Variants in YME1L1 observed in about 807,000 individuals in gnomAD.
YME1L1 encodes the protein YME1 like 1 ATPase, also known as ATP-dependent zinc metalloprotease YME1L1.
Under a neutral mutation model 90.4 loss-of-function variants are expected in YME1L1, and 39 were observed. The observed-to-expected ratio is 0.43, with a 90% CI of 0.33 to 0.56. The LOEUF is 0.56. Among genes scored for constraint, YME1L1 ranks in the 20% least tolerant of loss-of-function variants. YME1L1 has a pLI of 0.03. For synonymous variants in YME1L1, 284 were observed against 287.3 expected (o/e 0.99, Z 0.12); for missense variants, 617 against 868.4 (o/e 0.71, Z 3.64).
At chr10:27,113,260 A>AAAAAAAAAAAAAAAAAT (rs1564453902) in intron 18 of YME1L1, among the ~76,000 whole-genome samples, 1 of 111,616 alleles carries the variant, frequency 9.0e-6, no homozygotes, top group African/African-American at 3.3e-5. Context: ...AAAAAAAAAA[A>AAAAAAAAAAAAAAAAAT]AAAGACCTGC....
chr10:27,113,236 A>T lies in YME1L1; in HGVS notation c.2008-1116T>A, dbSNP rs868261676. Among the ~76,000 whole-genome samples, 28 of 86,130 alleles carry T rather than the reference A, an allele frequency of 3.3e-4. No homozygotes were observed. In the East Asian group the frequency reaches 3.5e-3, roughly 11 times the overall value. The allele number at this position is 86,130 out of a possible 152,430, so 56.5% of individuals were successfully genotyped here. On this transcript the variant is annotated intron_variant, in intron 18 of 18. Transcript: ENST00000376016. ...TGCTGTCTCAAAAAAAAAAAAAAAA[A>T]AAAAAAAAAAAAAAAAAAAAAAAAA...
intron 1 of YME1L1, among the ~76,000 whole-genome samples, chr10:27,150,540 A>G (rs2057200211): frequency 6.6e-6 from 1 of 152,234 alleles, no homozygotes; most frequent in Non-Finnish European, 1.5e-5. Context: ...AACAGGTTGT[A>G]GTAAGGAAGC....
chr10:27,115,875 T>C (rs914591834), intron 17 of YME1L1, among the ~76,000 whole-genome samples, 185 bp downstream of exon 17: 2 of 152,186 alleles, frequency 1.3e-5, no homozygotes, highest in African/African-American at 4.8e-5. Flanking sequence ...GGCAGCTCAT[T>C]CTCAGCAGCT....
intron 4 of YME1L1, among the ~76,000 whole-genome samples, chr10:27,140,551 T>A (rs1251885298): frequency 1.3e-5 from 2 of 152,146 alleles, no homozygotes; most frequent in East Asian, 3.9e-4. Flanking sequence ...CGGTCTCGGC[T>A]CACTGCAACC....
At chr10:27,140,446 AG>A (rs2057075355) in intron 4 of YME1L1, among the ~76,000 whole-genome samples, 1 of 152,146 alleles carries the variant, frequency 6.6e-6, no homozygotes, top group Non-Finnish European at 1.5e-5. Context: ...CATTTAGAAA[AG>A]GGTTTTAAAA....
chr10:27,145,667 A>G lies in YME1L1; in HGVS notation c.169-77T>C, dbSNP rs1364959608. 3 of 1,196,298 alleles carry G rather than the reference A, an allele frequency of 2.5e-6. No homozygotes were observed. In the East Asian group the frequency reaches 7.3e-5, roughly 29 times the overall value. The allele number at this position is 1,196,298 out of a possible 1,614,324, so 74.1% of individuals were successfully genotyped here. A position where few individuals can be genotyped will look rare whatever the true frequency, so the allele number is the denominator to read the frequency against. On this transcript the variant is annotated intron_variant, in intron 2 of 18. Transcript: ENST00000376016. ...ACCTAAGGAGTACATATTATCAGTTAAAACAATCAGATTTTAAAAGTCTAA... is the reference window on the plus strand; with the variant it reads ...ACCTAAGGAGTACATATTATCAGTTGAAACAATCAGATTTTAAAAGTCTAA...
chr10:27,129,123 C>T (rs905676251), intron 8 of YME1L1: 1 of 130,346 alleles, frequency 7.7e-6, no homozygotes. Flanking sequence ...ACTCTCATTC[C>T]AAAAGAAGTG....
At chr10:27,135,123 G>T in intron 5 of YME1L1, 142 bp from the exon 6 acceptor site, 1 of 691,652 alleles carries the variant, frequency 1.4e-6, no homozygotes, top group Non-Finnish European at 2.3e-6. Flanking sequence ...ACTCAGCAAT[G>T]AATTAATCAA....
chr10:27,125,289 T>G (rs966619637), intron 9 of YME1L1, among the ~76,000 whole-genome samples: 1 of 151,986 alleles, frequency 6.6e-6, no homozygotes, highest in African/African-American at 2.4e-5. Context: ...AAGGATACTG[T>G]GAAGTCATTA....
At chr10:27,143,336 T>C (rs2057109546) in intron 3 of YME1L1, among the ~76,000 whole-genome samples, 1 of 151,590 alleles carries the variant, frequency 6.6e-6, no homozygotes, top group Non-Finnish European at 1.5e-5. Flanking sequence ...GCCATTGCAC[T>C]CCCGCCTGGG....
At chr10:27,135,027 T>C in intron 5 of YME1L1, 46 bp from the exon 6 acceptor site, 1 of 1,555,086 alleles carries the variant, frequency 6.4e-7, no homozygotes, top group Non-Finnish European at 8.7e-7. Flanking sequence ...AACACAGTGA[T>C]ACTTCCCAAC....
chr10:27,143,134 C>G (rs1234124924), intron 3 of YME1L1, among the ~76,000 whole-genome samples: 1 of 151,784 alleles, frequency 6.6e-6, no homozygotes, highest in African/African-American at 2.4e-5. Context: ...CTTTGGGAGG[C>G]AGAGGTGGGT....
intron 8 of YME1L1, among the ~76,000 whole-genome samples, chr10:27,127,065 C>G (rs1450524851): frequency 2.6e-5 from 4 of 152,132 alleles, no homozygotes; most frequent in African/African-American, 9.7e-5. Flanking sequence ...GTACATTGGA[C>G]AGGGTTAAAA....
intron 4 of YME1L1, 109 bp from the exon 5 acceptor site, chr10:27,136,494 T>C: frequency 4.7e-6 from 4 of 858,870 alleles, no homozygotes; most frequent in Non-Finnish European, 7.2e-6. Flanking sequence ...TCTATCTAAT[T>C]TGCCTGACAC....
chr10:27,154,244 C>T lies in YME1L1; in HGVS notation c.-34G>A. ...GGCCCTCAGCGACCTCACCCGCCTG[C>T]CGAAACTGTGCCCCTCTGTCCACGG... On this transcript the variant is annotated 5_prime_UTR_variant, in exon 1 of 19. Coordinates refer to ENST00000376016, the MANE Select transcript of YME1L1 (RefSeq NM_014263.4). 2 of 1,580,606 alleles carry T rather than the reference C, an allele frequency of 1.3e-6. No homozygotes were observed. The highest frequency in any genetic ancestry group is 2.3e-5 in the East Asian group (1 of 43,198).
At position 27,125,458 on chromosome 10, in the gene YME1L1, G is replaced by GAAAAAAAAAAAAAA. The variant is rs68143135; in HGVS notation, c.949+1224_949+1237dup. 1.0e-4 allele frequency among the ~76,000 whole-genome samples: 11 copies of GAAAAAAAAAAAAAA among 107,694 alleles called. No homozygotes were observed. The East Asian group carries it at 1.2e-3, about 12-fold the overall frequency. 70.7% of individuals were successfully genotyped at this position (107,694 alleles called of 152,430 possible). A position where few individuals can be genotyped will look rare whatever the true frequency, so the allele number is the denominator to read the frequency against. ...AAGGAATTGTTTCATTGTTTCATTT[G>GAAAAAAAAAAAAAA]AAAAAAAAAAAAAAAAAAACAATAA... is the stretch of plus-strand genomic sequence containing the variant. On this transcript the variant is annotated intron_variant, in intron 9 of 18. Coordinates refer to ENST00000376016, the MANE Select transcript of YME1L1 (RefSeq NM_014263.4).
intron 9 of YME1L1, among the ~76,000 whole-genome samples, chr10:27,123,947 A>C (rs1345667924): frequency 6.6e-6 from 1 of 152,038 alleles, no homozygotes. Flanking sequence ...GACAGGGAGA[A>C]TCTTGAGGCA....
At chr10:27,142,538 A>G in intron 3 of YME1L1, 53 bp from the exon 4 acceptor site, 1 of 795,260 alleles carries the variant, frequency 1.3e-6, no homozygotes, top group Non-Finnish European at 1.9e-6. Flanking sequence ...CAAAAAACAA[A>G]AATCCTATGA....
intron 8 of YME1L1, among the ~76,000 whole-genome samples, chr10:27,129,755 A>AATTGT (rs2056958659): frequency 6.6e-6 from 1 of 151,882 alleles, no homozygotes; most frequent in Admixed American, 6.6e-5. Flanking sequence ...ACTCATTTTG[A>AATTGT]CTTAATATAA....
Sources: allele counts gnomAD v4.1 joint callset (sites outside exome capture counted in the v4.1 genomes callset), GRCh38; gene constraint gnomAD v4.1.1; transcripts MANE v1.5; gene names NCBI Gene and HGNC (gene_info 2026-07-23, HGNC 2026-07-21).